Variants in DBNL observed in about 807,000 individuals in gnomAD.
The protein encoded by DBNL is drebrin-like protein.
In DBNL, 35 loss-of-function variants were observed where a neutral mutation model predicts 62.2. The observed-to-expected ratio is 0.56, with a 90% CI of 0.43 to 0.75. The LOEUF (loss-of-function observed/expected upper bound fraction) is 0.75. DBNL is among the 30% of genes least tolerant of loss of function. DBNL has a pLI of 0.00. For missense variants in DBNL, 495 were observed against 578.4 expected, an observed-to-expected ratio of 0.86 and a Z score of 1.48; for synonymous variants, 197 against 218.0, an observed-to-expected ratio of 0.90 and a Z score of 0.85.
chr7:44,053,161 GC>G (rs2096129649), intron 4 of DBNL, among the ~76,000 whole-genome samples: 2 of 152,218 alleles, frequency 1.3e-5, no homozygotes, highest in Non-Finnish European at 2.9e-5. Context: ...CTACAGGCCT[GC>G]CTCAGTGGGG....
Position 44,058,285 on chromosome 7 carries a change from G to T in DBNL, c.704+5G>T. 1 of 1,575,278 alleles carries T rather than the reference G, an allele frequency of 6.3e-7. No homozygotes were observed. Among genetic ancestry groups the T allele is most frequent in the Non-Finnish European group, 8.6e-7 (1 of 1,160,244 alleles). The stretch of plus-strand genomic sequence containing the variant: ...TGGCGAGGCCAGCCCCCAGAGGTGA[G>T]CCAGAGGTGGAGGCTGGCCTGGGGG... On this transcript the variant is annotated splice_donor_5th_base_variant and intron_variant, in intron 7 of 12. Coordinates refer to ENST00000448521, the MANE Select transcript of DBNL (RefSeq NM_001014436.3).
At position 44,058,129 on chromosome 7, in the gene DBNL, A is replaced by G. The variant is rs539079524; in HGVS notation, c.553A>G (p.Lys185Glu). ...GAGCGGGCAGTGGCTCTCCCTGCAGAAGGAGGAGGAGAACCGTCGGCTGGA... is the reference window on the plus strand; with the variant it reads ...GAGCGGGCAGTGGCTCTCCCTGCAGGAGGAGGAGGAGAACCGTCGGCTGGA... ...GKDSFWAKAE[K>E]EEENRRLEEK... The change falls in exon 7 of 13, where the codon AAG becomes GAG. Residue 185 changes from lysine to glutamate, a missense_variant and splice_region_variant. By Grantham distance (56) the Lys-to-Glu change is moderately conservative. Coordinates refer to ENST00000448521, the MANE Select transcript of DBNL (RefSeq NM_001014436.3). The G allele has an allele frequency of 2.1e-5, 33 of 1,554,878 alleles. No homozygotes were observed. The East Asian group carries it at 2.9e-4, about 14-fold the overall frequency.
chr7:44,047,999 C>G (rs1438670384), intron 1 of DBNL, among the ~76,000 whole-genome samples: 1 of 148,902 alleles, frequency 6.7e-6, no homozygotes, highest in Non-Finnish European at 1.5e-5. Context: ...TCACTGCAAC[C>G]TCTGCCTCCC....
At chr7:44,048,412 T>A (rs1312755277) in intron 1 of DBNL, among the ~76,000 whole-genome samples, 1 of 152,234 alleles carries the variant, frequency 6.6e-6, no homozygotes, top group Non-Finnish European at 1.5e-5. Flanking sequence ...TGTTCTTTTC[T>A]CTAGTTCCTT....
Position 44,044,821 on chromosome 7 carries a change from G to A in DBNL, c.83+1G>A, listed in dbSNP as rs1372456187. ...TCACCGAGAAGTCCCCGACCGACTG[G>A]TGGGCGGCGAGACGGGCCAGGGTCG... On this transcript the variant is annotated splice_donor_variant, in intron 1 of 12. Transcript: ENST00000448521. LOFTEE classifies it high-confidence loss of function. The A allele has an allele frequency of 1.4e-6, 2 of 1,473,670 alleles. No homozygotes were observed. Among genetic ancestry groups the A allele is most frequent in the African/African-American group, 3.0e-5 (2 of 67,484 alleles). The allele number at this position is 1,473,670 out of a possible 1,614,324, so 91.3% of individuals were successfully genotyped here.
In DBNL at chr7:44,060,925, G is replaced by A. The variant is rs2096147791; in HGVS notation, c.*9G>A. The A allele has an allele frequency of 6.2e-7, 1 of 1,612,480 alleles. No individual in the cohort carries two copies. Among genetic ancestry groups the A allele is most frequent in the African/African-American group, 1.3e-5 (1 of 74,882 alleles). ...TGGAGCTCATTGAGTGAGGCTGAGG[G>A]CACATCTTGCCCTTCCCCTCTCAGA... On this transcript the variant is annotated 3_prime_UTR_variant, in exon 13 of 13. Coordinates refer to ENST00000448521, the MANE Select transcript of DBNL (RefSeq NM_001014436.3). This position sits in a 1 kb window ranked among gnomAD's most constrained non-coding sequence, Gnocchi z 6.3.
intron 1 of DBNL, among the ~76,000 whole-genome samples, chr7:44,045,177 TC>T (rs1354197857): frequency 1.3e-5 from 2 of 152,200 alleles, no homozygotes; most frequent in Non-Finnish European, 1.5e-5. Context: ...TCCTGGGACT[TC>T]CCTGGAGAAG....
chr7:44,047,532 T>A (rs1042306809), intron 1 of DBNL, among the ~76,000 whole-genome samples: 17 of 152,210 alleles, frequency 1.1e-4, no homozygotes, highest in African/African-American at 4.1e-4. Context: ...CTTCACTCTC[T>A]AATAGTACGT....
Position 44,059,367 on chromosome 7 carries a change from C to A in DBNL, c.849C>A (p.Ser283Arg). 1 of 1,613,984 alleles carries A rather than the reference C, an allele frequency of 6.2e-7. No homozygotes were observed. Among genetic ancestry groups the A allele is most frequent in the South Asian group, 1.1e-5 (1 of 91,080 alleles). The change falls in exon 10 of 13, where the codon AGC becomes AGA. Residue 283 changes from serine to arginine, a missense_variant. Ser to Arg is a moderately radical substitution (Grantham distance 110). Transcript: ENST00000448521. The surrounding 1 kb of genome is among the most constrained non-coding windows in gnomAD (Gnocchi z 4.1). Reference sequence around the variant, plus strand: ...CCGGGTTTGCAGGCAAGCTGAGGAGCCCCTTCCTGCAGAAGCAGCTCACCC... The same window carrying A: ...CCGGGTTTGCAGGCAAGCTGAGGAGACCCTTCCTGCAGAAGCAGCTCACCC... ...ISSPQPGKLRSPFLQKQLTQP... is the reference protein window; with the variant it reads ...ISSPQPGKLRRPFLQKQLTQP...
At position 44,064,848 on chromosome 7, in the gene DBNL, A is replaced by G; in HGVS notation, c.*3932A>G. On this transcript the variant is annotated 3_prime_UTR_variant, in exon 13 of 13. Transcript: ENST00000448521. ...TGGCCTCACCTTCCAGGTGCTTGAC[A>G]ATGCCCCGCAGGCTGTTCCCGTGGG... is the stretch of plus-strand genomic sequence containing the variant. 6.3e-7 allele frequency: 1 copy of G among 1,595,584 alleles called. No individual in the cohort carries two copies. Among genetic ancestry groups the G allele is most frequent in the Non-Finnish European group, 8.5e-7 (1 of 1,171,076 alleles).
At position 44,065,008 on chromosome 7, in the gene DBNL, C is replaced by G; in HGVS notation, c.*4092C>G. On this transcript the variant is annotated 3_prime_UTR_variant, in exon 13 of 13. Coordinates refer to ENST00000448521, the MANE Select transcript of DBNL (RefSeq NM_001014436.3). The stretch of plus-strand genomic sequence containing the variant: ...CCCGGGCTTCAGGCCTGCGTACCGA[C>G]GCTCCTGGGGGACACAGGCACGCTG... 6.2e-7 allele frequency: 1 copy of G among 1,606,452 alleles called. No homozygotes were observed. The highest frequency in any genetic ancestry group is 1.1e-5 in the South Asian group (1 of 90,888).
At chr7:44,048,756 G>A (rs1360463457) in intron 1 of DBNL, among the ~76,000 whole-genome samples, 2 of 152,240 alleles carry the variant, frequency 1.3e-5, no homozygotes, top group African/African-American at 4.8e-5. Flanking sequence ...CAGTGGGTCA[G>A]TGCCTCCAGC....
chr7:44,049,453 C>A (rs145983611), intron 1 of DBNL, among the ~76,000 whole-genome samples: 7 of 152,144 alleles, frequency 4.6e-5, no homozygotes. Flanking sequence ...TGAGCCACTG[C>A]GCCCAGCCCA....
chr7:44,050,288 T>C lies in DBNL; in HGVS notation c.139+8T>C. On this transcript the variant is annotated splice_region_variant and intron_variant, in intron 2 of 12. Coordinates refer to ENST00000448521, the MANE Select transcript of DBNL (RefSeq NM_001014436.3). ...GCGTGGCTGGCACAGGGGGTGAGTA[T>C]GACTCCAAATGGACTCAGGGACACC... The C allele has an allele frequency of 6.2e-7, 1 of 1,613,600 alleles. No homozygotes were observed.
At chr7:44,054,559 C>A (rs1449199623) in intron 4 of DBNL, among the ~76,000 whole-genome samples, 4 of 152,150 alleles carry the variant, frequency 2.6e-5, no homozygotes, top group African/African-American at 9.7e-5. Flanking sequence ...TATTTTGATA[C>A]CTGTATACAA....
In DBNL at chr7:44,064,286, CCT is replaced by C. The variant is rs1491352951; in HGVS notation, c.*3373_*3374del. Reference sequence around the variant, plus strand: ...TCTGGCCACTCCATAGTCCTGCACCCCTCTTTTGATTGGTCTTTCCTTTGCCC... The same window carrying C: ...TCTGGCCACTCCATAGTCCTGCACCCCTTTTGATTGGTCTTTCCTTTGCCC... On this transcript the variant is annotated 3_prime_UTR_variant, in exon 13 of 13. Transcript: ENST00000448521. The C allele has an allele frequency of 5.4e-6, 1 of 184,164 alleles. No individual in the cohort carries two copies. The highest frequency in any genetic ancestry group is 1.2e-5 in the Non-Finnish European group (1 of 86,796). The allele number at this position is 184,164 out of a possible 1,614,324, so 11.4% of individuals were successfully genotyped here. A position where few individuals can be genotyped will look rare whatever the true frequency, so the allele number is the denominator to read the frequency against.
Position 44,067,426 on chromosome 7 carries a change from G to A in DBNL, c.*6510G>A, listed in dbSNP as rs961097373. 1 of 152,238 alleles carries A rather than the reference G, an allele frequency of 6.6e-6. No individual in the cohort carries two copies. The highest frequency in any genetic ancestry group is 1.5e-5 in the Non-Finnish European group (1 of 68,050). The allele number at this position is 152,238 out of a possible 1,614,324, so 9.4% of individuals were successfully genotyped here. Reference sequence around the variant, plus strand: ...AACAAGGCCGCTTAGCCAGGGCTGGGTGCAGAAGCAGTGGCAAGGATCCCC... The same window carrying A: ...AACAAGGCCGCTTAGCCAGGGCTGGATGCAGAAGCAGTGGCAAGGATCCCC... On this transcript the variant is annotated 3_prime_UTR_variant, in exon 13 of 13. Transcript: ENST00000448521.
rs1195305403 is a variant in DBNL at position 44,067,970 on chromosome 7, A to G, written c.*7054A>G. On this transcript the variant is annotated 3_prime_UTR_variant, in exon 13 of 13. Transcript: ENST00000448521. ...GAAGAATCAGAGGAGTGGGATGTGA[A>G]GCCCCTCGAAGTCAGTGAGTTGGGG... is the stretch of plus-strand genomic sequence containing the variant. 1 of 152,204 alleles carries G rather than the reference A, an allele frequency of 6.6e-6. No homozygotes were observed. The highest frequency in any genetic ancestry group is 1.5e-5 in the Non-Finnish European group (1 of 68,052). 9.4% of individuals were successfully genotyped at this position (152,204 alleles called of 1,614,324 possible).
chr7:44,065,249 C>A lies in DBNL; in HGVS notation c.*4333C>A, dbSNP rs1438105988. On this transcript the variant is annotated 3_prime_UTR_variant, in exon 13 of 13. Transcript: ENST00000448521. ...TTCTGCCTTGTTGAGGCCTGTGAGGCCCCCGTAATGCCGCTCATTGAGGCG... is the reference window on the plus strand; with the variant it reads ...TTCTGCCTTGTTGAGGCCTGTGAGGACCCCGTAATGCCGCTCATTGAGGCG... 6.2e-7 allele frequency: 1 copy of A among 1,613,818 alleles called. No individual in the cohort carries two copies. Among genetic ancestry groups the A allele is most frequent in the East Asian group, 2.2e-5 (1 of 44,886 alleles).
Sources: allele counts gnomAD v4.1 joint callset (sites outside exome capture counted in the v4.1 genomes callset), GRCh38; gene constraint gnomAD v4.1.1; non-coding constraint Gnocchi (gnomAD v3.1); transcripts MANE v1.5; gene names NCBI Gene and HGNC (gene_info 2026-07-23, HGNC 2026-07-21).